The following LAD1 variants were observed in gnomAD, a reference collection of about 807,000 sequenced individuals.
The protein encoded by LAD1 is ladinin-1.
Under a neutral mutation model 54.2 loss-of-function variants are expected in LAD1, and 53 were observed. The observed-to-expected ratio is 0.98, with a 90% confidence interval of 0.78 to 1.23. The LOEUF (loss-of-function observed/expected upper bound fraction) is 1.23, where lower values mean the gene tolerates loss of function less well. Ranked by LOEUF, LAD1 falls within the 50% of genes most tolerant of loss-of-function variation. The probability of loss-of-function intolerance (pLI) is 0.00; values close to 1 mark genes in which losing one functional copy is unlikely to be tolerated. For synonymous variants in LAD1, 231 were observed against 257.7 expected (o/e 0.90, Z 0.99); for missense variants, 637 against 653.3 (o/e 0.98, Z 0.27).
At chr1:201,393,937 A>T (rs1021571886) in intron 1 of LAD1, among the ~76,000 whole-genome samples, 15 of 143,030 alleles carry the variant, frequency 1.0e-4, no homozygotes, top group Non-Finnish European at 1.8e-4. Flanking sequence ...CTGGCTGGGC[A>T]TGGTGGCTCA....
intron 1 of LAD1, among the ~76,000 whole-genome samples, chr1:201,390,568 T>C (rs1286957339): frequency 6.6e-6 from 1 of 152,244 alleles, no homozygotes; most frequent in East Asian, 1.9e-4. Context: ...GTAGTTCAAA[T>C]CATACGTCTA....
chr1:201,391,325 T>C, intron 1 of LAD1: 1 of 366,074 alleles, frequency 2.7e-6, no homozygotes, highest in Non-Finnish European at 5.3e-6. Flanking sequence ...GCCAGGCAAC[T>C]CCACCAGTCT....
chr1:201,390,429 C>T (rs976970760), intron 1 of LAD1, among the ~76,000 whole-genome samples: 9 of 151,664 alleles, frequency 5.9e-5, no homozygotes, highest in South Asian at 4.2e-4. Context: ...CCCAGCTACT[C>T]GGGAGGCTGA....
chr1:201,382,986 T>A, intron 7 of LAD1, 88 bp downstream of exon 7: 2 of 1,464,834 alleles, frequency 1.4e-6, no homozygotes, highest in Non-Finnish European at 9.2e-7. Flanking sequence ...ATGAAAACAG[T>A]TTTCTAGCAT....
intron 1 of LAD1, among the ~76,000 whole-genome samples, chr1:201,393,044 A>G (rs553468957): frequency 1.1e-4 from 17 of 152,248 alleles, no homozygotes; most frequent in African/African-American, 3.9e-4. Flanking sequence ...TTTGGGCCCA[A>G]GCTATTTCTG....
intron 1 of LAD1, 97 bp from the exon 2 acceptor site, chr1:201,389,400 C>T: frequency 7.0e-7 from 1 of 1,421,684 alleles, no homozygotes; most frequent in Middle Eastern, 2.6e-4. Context: ...CAAATGCCCT[C>T]TAGGCCTGCA....
In LAD1 at chr1:201,389,317, G is replaced by A. The variant is rs1662156061; in HGVS notation, c.39-14C>T. The A allele has an allele frequency of 6.2e-7, 1 of 1,608,570 alleles. No homozygotes were observed. ...TGCCGGGCAAGGCTGGGGGAGGGGA[G>A]GAGAGGGTCAGCACAGCTGGGGAAA... On this transcript the variant is annotated splice_polypyrimidine_tract_variant and intron_variant, in intron 1 of 9. Transcript: ENST00000391967.
chr1:201,383,718 G>A (rs1459302192), intron 5 of LAD1: 1 of 381,788 alleles, frequency 2.6e-6, no homozygotes, highest in Non-Finnish European at 5.0e-6. Flanking sequence ...TGCTCTCCCA[G>A]CCTGCCACCG....
Position 201,386,577 on chromosome 1 carries a change from T to C in LAD1, c.784A>G (p.Ile262Val). Residue 262 changes from isoleucine to valine, a missense_variant, in exon 3 of 10, where the codon ATC (isoleucine) becomes GTC (valine). Ile to Val is a conservative substitution (Grantham distance 29). Transcript: ENST00000391967. ...TCTGAGGCCAGTGCCTTCTCAAAGATGGAAGCTTTCTCAGACACCAGCCTC... is the reference window on the plus strand; with the variant it reads ...TCTGAGGCCAGTGCCTTCTCAAAGACGGAAGCTTTCTCAGACACCAGCCTC... ...GRRLVSEKASIFEKALASEKS... is the reference protein window; with the variant it reads ...GRRLVSEKASVFEKALASEKS... 2 of 1,614,028 alleles carry C rather than the reference T, an allele frequency of 1.2e-6. No individual in the cohort carries two copies. The highest frequency in any genetic ancestry group is 1.7e-6 in the Non-Finnish European group (2 of 1,179,972).
chr1:201,389,808 C>T lies in LAD1; in HGVS notation c.39-505G>A, dbSNP rs1277229743. Among the ~76,000 whole-genome samples, 13 of 152,012 alleles carry T rather than the reference C, an allele frequency of 8.6e-5. No individual in the cohort carries two copies. The East Asian group carries it at 1.9e-3, about 23-fold the overall frequency. On this transcript the variant is annotated intron_variant, in intron 1 of 9. Coordinates refer to ENST00000391967, the MANE Select transcript of LAD1 (RefSeq NM_005558.4). ...CTGCACTCCAGCCTGGGTGACACAA[C>T]AAGACTCTGTCTCAAAAAAGAAAGA...
At chr1:201,382,195 C>A in intron 9 of LAD1, 57 bp downstream of exon 9, 1 of 1,403,110 alleles carries the variant, frequency 7.1e-7, no homozygotes, top group Non-Finnish European at 1.0e-6. Context: ...ACGATGGGGT[C>A]TCCCACAGTA....
Position 201,381,538 on chromosome 1 carries a change from G to A in LAD1, c.*350C>T, listed in dbSNP as rs10920187. 6 of 364,256 alleles carry A rather than the reference G, an allele frequency of 1.6e-5. No individual in the cohort carries two copies. Among genetic ancestry groups the A allele is most frequent in the African/African-American group, 6.5e-5 (3 of 46,470 alleles). 22.6% of individuals were successfully genotyped at this position (364,256 alleles called of 1,614,324 possible). A position where few individuals can be genotyped will look rare whatever the true frequency, so the allele number is the denominator to read the frequency against. The stretch of plus-strand genomic sequence containing the variant: ...GGTGACTCTGGAGTTCTTGAGGGGC[G>A]CCGTGCCCTGACTGTGGATGTGAGC... On this transcript the variant is annotated 3_prime_UTR_variant, in exon 10 of 10. Transcript: ENST00000391967.
At chr1:201,399,234 A>AC (rs775991944) in intron 1 of LAD1, 35 bp downstream of exon 1, 16 of 1,493,036 alleles carry the variant, frequency 1.1e-5, no homozygotes, top group East Asian at 9.9e-5. Context: ...CTCCCCGCCG[A>AC]CCCCCCGCCC....
At position 201,381,543 on chromosome 1, in the gene LAD1, G is replaced by T. The variant is rs559299705; in HGVS notation, c.*345C>A. On this transcript the variant is annotated 3_prime_UTR_variant, in exon 10 of 10. Transcript: ENST00000391967. ...CTCTGGAGTTCTTGAGGGGCGCCGTGCCCTGACTGTGGATGTGAGCAGGAA... is the reference window on the plus strand; with the variant it reads ...CTCTGGAGTTCTTGAGGGGCGCCGTTCCCTGACTGTGGATGTGAGCAGGAA... The T allele has an allele frequency of 9.4e-5, 36 of 381,016 alleles. No homozygotes were observed. The highest frequency in any genetic ancestry group is 5.5e-4 in the South Asian group (22 of 39,836). The allele number at this position is 381,016 out of a possible 1,614,324, so 23.6% of individuals were successfully genotyped here. A position where few individuals can be genotyped will look rare whatever the true frequency, so the allele number is the denominator to read the frequency against.
chr1:201,399,243 C>T (rs1429842119), intron 1 of LAD1, 26 bp downstream of exon 1: 2 of 1,539,566 alleles, frequency 1.3e-6, no homozygotes, highest in South Asian at 1.2e-5. Flanking sequence ...GACCCCCCGC[C>T]CCTCCCGGCT....
chr1:201,382,293 T>A lies in LAD1; in HGVS notation c.1507A>T (p.Thr503Ser), dbSNP rs2275866. 0.079 allele frequency: 127,503 copies of A among 1,612,806 alleles called. 5,469 individuals are homozygous for A. Among genetic ancestry groups the A allele is most frequent in the Non-Finnish European group, 0.088 (103,437 of 1,179,062 alleles). ...AQKASSATER[T>S]QWGQKSDSSL... is the part of the protein sequence containing the mutation. Reference sequence around the variant, plus strand: ...GAGTCAGATTTCTGTCCCCACTGAGTCCTCTCGGTTGCAGATGATGCTTTC... The same window carrying A: ...GAGTCAGATTTCTGTCCCCACTGAGACCTCTCGGTTGCAGATGATGCTTTC... The change falls in exon 9 of 10, where the codon ACT (threonine) becomes TCT (serine). Residue 503 changes from threonine to serine, a missense_variant. By Grantham distance (58) the Thr-to-Ser change is moderately conservative. Transcript: ENST00000391967.
At chr1:201,396,110 A>G (rs1662284225) in intron 1 of LAD1, among the ~76,000 whole-genome samples, 1 of 152,220 alleles carries the variant, frequency 6.6e-6, no homozygotes. Flanking sequence ...TTCAAGCCCC[A>G]GAGCCAGGCC....
In LAD1 at chr1:201,386,886, C is replaced by A. The variant is rs1189377594; in HGVS notation, c.475G>T (p.Glu159Ter). 1.2e-6 allele frequency: 2 copies of A among 1,613,948 alleles called. No individual in the cohort carries two copies. Among genetic ancestry groups the A allele is most frequent in the Non-Finnish European group, 1.7e-6 (2 of 1,180,024 alleles). The change falls in exon 3 of 10, where the codon GAG becomes TAG. Residue 159 changes from glutamate (E) to a stop codon, truncating the protein, a stop_gained. Coordinates refer to ENST00000391967, the MANE Select transcript of LAD1 (RefSeq NM_005558.4). LOFTEE classifies it high-confidence loss of function. ...TCTGGCTCCCTGCCCACCAAGCTCT[C>A]CTCCTCCAGGGCCCAGGGGCCCCGC... ...EQRGPWALEEESLVGREPEER... is the reference protein window; with the variant it reads ...EQRGPWALEE
At chr1:201,397,313 G>T (rs1662308236) in intron 1 of LAD1, 2 of 152,396 alleles carry the variant, frequency 1.3e-5, no homozygotes, top group Admixed American at 1.3e-4. Context: ...TCATCAGGGT[G>T]ACTGTTGGCA....
Sources: gnomAD v4.1 joint callset for allele counts (sites outside exome capture counted in the v4.1 genomes callset) on GRCh38, gnomAD v4.1.1 for gene constraint, MANE v1.5 for transcripts, NCBI Gene and HGNC (gene_info 2026-07-23, HGNC 2026-07-21) for gene names.